Variants in CDH18 observed in about 807,000 individuals in gnomAD.
The protein encoded by CDH18 is cadherin 18, also known as cadherin-18.
In CDH18, 31 loss-of-function variants were observed where a neutral mutation model predicts 67.9. The observed-to-expected ratio is 0.46, with a 90% confidence interval of 0.34 to 0.62. The LOEUF (loss-of-function observed/expected upper bound fraction) is 0.62. Among genes scored for constraint, CDH18 ranks in the 20% least tolerant of loss-of-function variants. The pLI is 0.01. For missense variants in CDH18, 890 were observed against 975.5 expected, an observed-to-expected ratio of 0.91 and a Z score of 1.17; for synonymous variants, 362 against 347.2, an observed-to-expected ratio of 1.04 and a Z score of -0.48.
intron 3 of CDH18, among the ~76,000 whole-genome samples, chr5:19,756,281 T>A (rs1049552418): frequency 2.6e-5 from 4 of 152,164 alleles, no homozygotes; most frequent in African/African-American, 9.7e-5. Context: ...TGTATACATG[T>A]ACAAATATTT....
intron 1 of CDH18, among the ~76,000 whole-genome samples, chr5:20,423,793 A>C (rs936601450): frequency 1.3e-5 from 2 of 149,910 alleles, no homozygotes; most frequent in Admixed American, 1.3e-4. Flanking sequence ...AAAATACAAA[A>C]AAAATTAGCC....
chr5:19,634,711 G>A lies in CDH18; in HGVS notation c.644-22110C>T, dbSNP rs1250008759. On this transcript the variant is annotated intron_variant, in intron 5 of 12. Transcript: ENST00000382275. ...CAGCACTTTGGGAGCCTGAGGGTGGGTGGATCACCTGAGGTTGGGAGTTCG... is the reference window on the plus strand; with the variant it reads ...CAGCACTTTGGGAGCCTGAGGGTGGATGGATCACCTGAGGTTGGGAGTTCG... Among the ~76,000 whole-genome samples, 5 of 152,006 alleles carry A rather than the reference G, an allele frequency of 3.3e-5. 1 individual carries two copies. The highest frequency in any genetic ancestry group is 6.5e-5 in the Admixed American group (1 of 15,270).
chr5:20,270,444 A>G (rs1169241267), intron 1 of CDH18, among the ~76,000 whole-genome samples: 1 of 152,154 alleles, frequency 6.6e-6, no homozygotes, highest in Non-Finnish European at 1.5e-5. Context: ...ATAATTTCAC[A>G]CCAGTCAGAA....
intron 5 of CDH18, among the ~76,000 whole-genome samples, chr5:19,696,225 A>ATGTGTG (rs1192392126): frequency 3.9e-3 from 293 of 75,108 alleles, no homozygotes; most frequent in African/African-American, 0.011. Context: ...CACCAAATAT[A>ATGTGTG]TGTGTGTGTG....
intron 2 of CDH18, among the ~76,000 whole-genome samples, chr5:19,894,299 G>A (rs964387629): frequency 1.3e-5 from 2 of 151,994 alleles, no homozygotes; most frequent in Middle Eastern, 3.2e-3. Context: ...GTTAATAGAA[G>A]TGATATGTTC....
chr5:19,902,081 A>G (rs1026695261), intron 2 of CDH18, among the ~76,000 whole-genome samples: 2 of 152,280 alleles, frequency 1.3e-5, no homozygotes, highest in African/African-American at 2.4e-5. Context: ...AAAATGTGAG[A>G]GCAATACTGA....
At position 19,646,215 on chromosome 5, in the gene CDH18, T is replaced by C. The variant is rs1229400837; in HGVS notation, c.644-33614A>G. Among the ~76,000 whole-genome samples the C allele has an allele frequency of 2.6e-5, 4 of 152,142 alleles. No individual in the cohort carries two copies. In the East Asian group the frequency reaches 7.7e-4, roughly 29 times the overall value. On this transcript the variant is annotated intron_variant, in intron 5 of 12. Transcript: ENST00000382275. ...GGCTTGTTTGTTTATCTTTATTTTT[T>C]GACCTGAGCAATTACAGCACTTACC... is the stretch of plus-strand genomic sequence containing the variant.
chr5:20,520,568 A>T (rs969693207), intron 1 of CDH18, among the ~76,000 whole-genome samples: 5 of 152,128 alleles, frequency 3.3e-5, no homozygotes, highest in Non-Finnish European at 7.4e-5. Flanking sequence ...TCTGAAATAC[A>T]AGGGTAGTGA....
chr5:19,475,103 C>T (rs1310892956), intron 12 of CDH18, among the ~76,000 whole-genome samples: 2 of 151,790 alleles, frequency 1.3e-5, no homozygotes, highest in African/African-American at 2.4e-5. Flanking sequence ...CAGGGAGGTA[C>T]ATTCGATTGA....
At chr5:20,194,841 C>A (rs920711448) in intron 2 of CDH18, among the ~76,000 whole-genome samples, 2 of 152,056 alleles carry the variant, frequency 1.3e-5, no homozygotes, top group African/African-American at 4.8e-5. Flanking sequence ...GACCAAAAGG[C>A]AATTTCAGAT....
chr5:19,834,244 T>A (rs1395165745), intron 3 of CDH18, among the ~76,000 whole-genome samples: 1 of 151,980 alleles, frequency 6.6e-6, no homozygotes, highest in Non-Finnish European at 1.5e-5. Context: ...TATTCCTGGC[T>A]TAGTCGTAGT....
rs1414290988 is a variant in CDH18 at position 20,539,754 on chromosome 5, ACAAAC to A, written c.-580+35703_-580+35707del. Among the ~76,000 whole-genome samples, 96 of 132,190 alleles carry A rather than the reference ACAAAC, an allele frequency of 7.3e-4. No homozygotes were observed. The East Asian group carries it at 8.0e-3, about 11-fold the overall frequency. 86.7% of individuals were successfully genotyped at this position (132,190 alleles called of 152,430 possible). ...CCACTACACACACACACACACACAC[ACAAAC>A]ACACACACACACACACACACACCCT... is the stretch of plus-strand genomic sequence containing the variant. On this transcript the variant is annotated intron_variant, in intron 1 of 14. Coordinates refer to the CDH18 transcript ENST00000507958.
chr5:19,742,407 TACAC>T (rs5866397), intron 4 of CDH18, among the ~76,000 whole-genome samples: 2 of 149,586 alleles, frequency 1.3e-5, no homozygotes, highest in African/African-American at 4.9e-5. Context: ...CACGCATGGG[TACAC>T]ACACACACAC....
intron 1 of CDH18, among the ~76,000 whole-genome samples, chr5:20,469,821 G>A (rs191521918): frequency 1.8e-4 from 27 of 152,066 alleles, no homozygotes; most frequent in Non-Finnish European, 2.5e-4. Flanking sequence ...TCCTCAATTC[G>A]TGGCATTTTT....
At chr5:20,364,022 C>T (rs1232718185) in intron 1 of CDH18, among the ~76,000 whole-genome samples, 1 of 152,052 alleles carries the variant, frequency 6.6e-6, no homozygotes, top group Non-Finnish European at 1.5e-5. Flanking sequence ...CTCAGGCTTC[C>T]CAATGCCTTT....
At chr5:19,763,102 G>C (rs1273773037) in intron 3 of CDH18, among the ~76,000 whole-genome samples, 1 of 152,172 alleles carries the variant, frequency 6.6e-6, no homozygotes, top group East Asian at 1.9e-4. Context: ...CTGTCATGGG[G>C]TCTGGGGATG....
intron 5 of CDH18, among the ~76,000 whole-genome samples, chr5:19,666,233 GATTTTTATTATTATTATT>G (rs1485970206): frequency 1.3e-4 from 16 of 122,280 alleles, no homozygotes; most frequent in African/African-American, 4.6e-4. Flanking sequence ...ACGCCTGTAT[GATTTTTATTATTATTATT>G]ATTATTATTA....
rs1308826779 is a variant in CDH18 at position 20,383,093 on chromosome 5, T to C, written c.-579-127588A>G. Among the ~76,000 whole-genome samples the C allele has an allele frequency of 4.6e-5, 7 of 152,298 alleles. No homozygotes were observed. In the South Asian group the frequency reaches 1.4e-3, roughly 32 times the overall value. ...AAAACTCTTGTTAAATGCAGAGATA[T>C]TGTAATATTAGTGATATTTCTTTTT... On this transcript the variant is annotated intron_variant, in intron 1 of 14. Transcript: ENST00000507958.
chr5:19,827,985 T>C (rs1780588959), intron 3 of CDH18, among the ~76,000 whole-genome samples: 1 of 151,902 alleles, frequency 6.6e-6, no homozygotes, highest in Non-Finnish European at 1.5e-5. Context: ...GCTAGACTAA[T>C]AAAGTAAAAA....
Sources: gnomAD v4.1 joint callset for allele counts (sites outside exome capture counted in the v4.1 genomes callset) on GRCh38, gnomAD v4.1.1 for gene constraint, MANE v1.5 for transcripts, NCBI Gene and HGNC (gene_info 2026-07-23, HGNC 2026-07-21) for gene names.